INPP4B: variants seen among roughly 807,000 people sequenced by gnomAD.
The protein encoded by INPP4B is inositol polyphosphate 4-phosphatase type II.
INPP4B carries 55 observed loss-of-function variants against 122.5 expected under a neutral mutation model. The observed-to-expected ratio is 0.45, with a 90% CI of 0.36 to 0.56. INPP4B has a LOEUF of 0.56. Ranked by LOEUF, INPP4B falls within the 20% of genes least tolerant of loss-of-function variation. The pLI, the probability that INPP4B is intolerant of heterozygous loss-of-function variation, is 0.00. For synonymous variants in INPP4B, 403 were observed against 388.7 expected (o/e 1.04, Z -0.43); for missense variants, 1,000 against 1,097.7 (o/e 0.91, Z 1.26).
intron 7 of INPP4B, among the ~76,000 whole-genome samples, chr4:142,323,171 C>T (rs902475852): frequency 7.9e-5 from 12 of 152,126 alleles, no homozygotes; most frequent in South Asian, 6.2e-4. Flanking sequence ...GCATACTCAT[C>T]CCCTGCTGGT....
intron 7 of INPP4B, among the ~76,000 whole-genome samples, chr4:142,395,077 G>T (rs746989830): frequency 7.2e-5 from 11 of 152,096 alleles, no homozygotes; most frequent in African/African-American, 1.2e-4. Context: ...TGTTGTGAGA[G>T]CCCAAAACAA....
chr4:142,442,821 T>A (rs916509700), intron 3 of INPP4B, among the ~76,000 whole-genome samples: 1 of 152,184 alleles, frequency 6.6e-6, no homozygotes, highest in Non-Finnish European at 1.5e-5. Flanking sequence ...CTGGGTAATT[T>A]ATAAAGAAAA....
rs115096087 is a variant in INPP4B, at chr4:142,373,956, G to T, written c.372+28982C>A. On this transcript the variant is annotated intron_variant, in intron 7 of 25. Transcript: ENST00000262992. ...AAACTGTCGTGCATTGAGCAGCCAC[G>T]GTATGACAGGCACTCTACCAGAAGC... Among the ~76,000 whole-genome samples the T allele has an allele frequency of 8.1e-3, 1,236 of 151,830 alleles. 17 individuals carry two copies. The highest frequency in any genetic ancestry group is 0.028 in the African/African-American group (1,180 of 41,458).
intron 15 of INPP4B, among the ~76,000 whole-genome samples, chr4:142,175,546 T>C (rs1161865478): frequency 1.3e-5 from 2 of 152,082 alleles, no homozygotes; most frequent in African/African-American, 4.8e-5. Flanking sequence ...GACTTTTAAA[T>C]GTCAGAAGTT....
chr4:142,297,281 G>A lies in INPP4B; in HGVS notation c.503+8177C>T, dbSNP rs552645837. 1.8e-4 allele frequency among the ~76,000 whole-genome samples: 28 copies of A among 152,324 alleles called. No homozygotes were observed. In the South Asian group the frequency reaches 5.2e-3, roughly 28 times the overall value. The stretch of plus-strand genomic sequence containing the variant: ...AAGCCAGAATTTAGGTTTCAGGTAA[G>A]CACGCCTTCCTTGGATAATAGAAAT... On this transcript the variant is annotated intron_variant, in intron 9 of 25. Coordinates refer to ENST00000262992, the MANE Select transcript of INPP4B (RefSeq NM_001101669.3).
intron 1 of INPP4B, among the ~76,000 whole-genome samples, chr4:142,751,791 A>G (rs1480669032): frequency 2.0e-5 from 3 of 152,046 alleles, no homozygotes; most frequent in Non-Finnish European, 4.4e-5. Context: ...TCCACATTTG[A>G]CACTATAATT....
At chr4:142,585,009 A>G (rs1425530) in intron 2 of INPP4B, among the ~76,000 whole-genome samples, 2,145 of 152,202 alleles carry the variant, frequency 0.014, 41 homozygotes, top group African/African-American at 0.041. Context: ...ACCACTGAAA[A>G]TTCTTTCAGT....
Position 142,082,858 on chromosome 4 carries a change from G to A in INPP4B, c.2488-673C>T, listed in dbSNP as rs72940977. ...AAACTTCACAGGGGCCGGGCACAGC[G>A]GCTCATGCCTGTAATCCTAACACTT... On this transcript the variant is annotated intron_variant, in intron 24 of 25. Coordinates refer to ENST00000262992, the MANE Select transcript of INPP4B (RefSeq NM_001101669.3). Among the ~76,000 whole-genome samples the A allele has an allele frequency of 7.1e-3, 1,075 of 152,224 alleles. 14 individuals are homozygous for A. Among genetic ancestry groups the A allele is most frequent in the African/African-American group, 0.025 (1,027 of 41,544 alleles).
chr4:142,031,021 GAAAAT>G, intron 25 of INPP4B, among the ~76,000 whole-genome samples: 1 of 152,070 alleles, frequency 6.6e-6, no homozygotes. Flanking sequence ...TGATACCACA[GAAAAT>G]AAAAGACTTC....
intron 7 of INPP4B, among the ~76,000 whole-genome samples, chr4:142,400,815 G>T (rs1365351854): frequency 6.6e-6 from 1 of 152,184 alleles, no homozygotes; most frequent in Non-Finnish European, 1.5e-5. Flanking sequence ...CAGAACTAAA[G>T]TCAACAAAAA....
intron 12 of INPP4B, among the ~76,000 whole-genome samples, chr4:142,224,452 T>C (rs1039115965): frequency 1.3e-5 from 2 of 152,154 alleles, no homozygotes; most frequent in African/African-American, 4.8e-5. Context: ...ACAAAATGTT[T>C]TAAGATATAG....
chr4:142,536,625 A>G (rs934187575), intron 2 of INPP4B, among the ~76,000 whole-genome samples: 9 of 152,228 alleles, frequency 5.9e-5, no homozygotes, highest in African/African-American at 2.2e-4. Context: ...GCACTTCACC[A>G]AACAGTTCCT....
chr4:142,467,157 G>T (rs569265310), intron 2 of INPP4B, among the ~76,000 whole-genome samples: 35 of 152,372 alleles, frequency 2.3e-4, no homozygotes, highest in African/African-American at 7.9e-4. Context: ...GCACTGCCTA[G>T]TAGAGCTGTG....
intron 25 of INPP4B, among the ~76,000 whole-genome samples, chr4:142,059,520 T>C (rs189279169): frequency 1.5e-3 from 232 of 152,294 alleles, no homozygotes; most frequent in African/African-American, 5.3e-3. Context: ...TATTCATATA[T>C]GCATCTTCAA....
chr4:142,534,931 G>A (rs781513455), intron 2 of INPP4B, among the ~76,000 whole-genome samples: 2 of 151,984 alleles, frequency 1.3e-5, no homozygotes, highest in Non-Finnish European at 2.9e-5. Flanking sequence ...CAATTTACTT[G>A]TTACTGAAAA....
At chr4:142,199,324 A>T (rs1235856812) in intron 14 of INPP4B, among the ~76,000 whole-genome samples, 2 of 152,098 alleles carry the variant, frequency 1.3e-5, no homozygotes, top group Non-Finnish European at 2.9e-5. Context: ...CAATAAAAAC[A>T]TTAGAATCTG....
intron 2 of INPP4B, among the ~76,000 whole-genome samples, chr4:142,669,961 C>T (rs1031111896): frequency 3.3e-5 from 5 of 152,134 alleles, no homozygotes; most frequent in Non-Finnish European, 5.9e-5. Context: ...ACAGGAGCCC[C>T]ACTTCTCCAA....
intron 2 of INPP4B, among the ~76,000 whole-genome samples, chr4:142,690,263 G>A (rs560143759): frequency 2.2e-4 from 33 of 152,278 alleles, no homozygotes; most frequent in African/African-American, 7.5e-4. Flanking sequence ...TGTGCAGGTA[G>A]ATAAAGGAAC....
At chr4:142,383,175 C>A (rs1401978431) in intron 7 of INPP4B, among the ~76,000 whole-genome samples, 1 of 152,004 alleles carries the variant, frequency 6.6e-6, no homozygotes, top group Non-Finnish European at 1.5e-5. Flanking sequence ...ATAGATTAAT[C>A]CTACTGAACA....
Sources: allele counts gnomAD v4.1 joint callset (sites outside exome capture counted in the v4.1 genomes callset), GRCh38; gene constraint gnomAD v4.1.1; transcripts MANE v1.5; gene names NCBI Gene and HGNC (gene_info 2026-07-23, HGNC 2026-07-21).